Variants in GPD2 observed in about 807,000 individuals in gnomAD.
The protein encoded by GPD2 is glycerol-3-phosphate dehydrogenase, mitochondrial.
GPD2 carries 54 observed loss-of-function variants against 82.4 expected under a neutral mutation model. The observed-to-expected ratio is 0.66, with a 90% CI of 0.53 to 0.82. GPD2 has a LOEUF of 0.82. Among genes scored for constraint, GPD2 ranks in the 40% least tolerant of loss-of-function variants. GPD2 has a pLI of 0.00. For synonymous variants in GPD2, 288 were observed against 306.1 expected (o/e 0.94, Z 0.62); for missense variants, 748 against 896.2 (o/e 0.83, Z 2.11).
chr2:156,468,005 A>G (rs1683205373), intron 1 of GPD2, among the ~76,000 whole-genome samples: 1 of 152,134 alleles, frequency 6.6e-6, no homozygotes. Context: ...GGGAAAGAGT[A>G]GTACATGGTA....
At chr2:156,569,057 G>A in intron 10 of GPD2, 98 bp downstream of exon 10, 2 of 994,510 alleles carry the variant, frequency 2.0e-6, no homozygotes. Flanking sequence ...TTGAACTCCT[G>A]GACTAAGGTG....
intron 2 of GPD2, among the ~76,000 whole-genome samples, chr2:156,490,120 A>G (rs1329338949): frequency 1.3e-5 from 2 of 152,192 alleles, no homozygotes; most frequent in Non-Finnish European, 2.9e-5. Context: ...GGGCAGGTCT[A>G]GGAAGATTTG....
At chr2:156,530,573 T>C (rs1483132363) in intron 6 of GPD2, among the ~76,000 whole-genome samples, 2 of 150,350 alleles carry the variant, frequency 1.3e-5, no homozygotes, top group African/African-American at 2.4e-5. Context: ...GGGTTTGTCA[T>C]GGATAGCTCT....
chr2:156,426,770 G>A, the GPD2 span, among the ~76,000 whole-genome samples: 9 of 152,066 alleles, frequency 5.9e-5, no homozygotes, highest in Non-Finnish European at 1.0e-4. Flanking sequence ...CCAGCTCTAG[G>A]GAATGGTTTT....
rs1688092521 is a variant in GPD2 at position 156,583,203 on chromosome 2, A to G, written c.*285A>G. The G allele has an allele frequency of 2.5e-6, 1 of 395,002 alleles. No homozygotes were observed. The highest frequency in any genetic ancestry group is 3.6e-5 in the Admixed American group (1 of 27,406). The allele number at this position is 395,002 out of a possible 1,614,324, so 24.5% of individuals were successfully genotyped here. ...TTTTGTGACCTGTTAGATGTGACACATTCTCTTTTTGTTTATTCCCTTATT... is the reference window on the plus strand; with the variant it reads ...TTTTGTGACCTGTTAGATGTGACACGTTCTCTTTTTGTTTATTCCCTTATT... On this transcript the variant is annotated 3_prime_UTR_variant, in exon 17 of 17. Coordinates refer to ENST00000438166, the MANE Select transcript of GPD2 (RefSeq NM_000408.5).
chr2:156,439,016 G>A (rs1316943593), intron 1 of GPD2, among the ~76,000 whole-genome samples: 2 of 152,200 alleles, frequency 1.3e-5, no homozygotes. Flanking sequence ...GTAACAGAGA[G>A]ACTTAACATG....
chr2:156,527,933 C>G (rs1573964775), intron 6 of GPD2, among the ~76,000 whole-genome samples: 1 of 152,224 alleles, frequency 6.6e-6, no homozygotes, highest in Admixed American at 6.5e-5. Context: ...AACTGAGAAG[C>G]AGCTCACAGG....
chr2:156,571,478 A>C (rs1687639229), intron 13 of GPD2, among the ~76,000 whole-genome samples, 186 bp downstream of exon 13: 3 of 152,124 alleles, frequency 2.0e-5, no homozygotes, highest in African/African-American at 7.2e-5. Context: ...TTAGTTGTTT[A>C]TGGAAAATCT....
intron 6 of GPD2, among the ~76,000 whole-genome samples, chr2:156,529,579 G>A (rs1470034225): frequency 1.3e-5 from 2 of 152,064 alleles, no homozygotes; most frequent in African/African-American, 4.8e-5. Context: ...TAATTCTAAC[G>A]TTTAAGTCTT....
chr2:156,507,316 TTTTTC>T (rs1254781409), intron 3 of GPD2, among the ~76,000 whole-genome samples: 3 of 124,606 alleles, frequency 2.4e-5, no homozygotes, highest in Admixed American at 1.8e-4. Context: ...CCACTTTTTC[TTTTTC>T]TTTTCTTTTT....
At chr2:156,468,039 G>A (rs1275866556) in intron 1 of GPD2, among the ~76,000 whole-genome samples, 3 of 152,110 alleles carry the variant, frequency 2.0e-5, no homozygotes, top group Non-Finnish European at 4.4e-5. Context: ...ACTTGTCTGA[G>A]TAAGCACTGT....
rs79047147 is a variant in GPD2, at chr2:156,441,957, T to C, written c.-9+5444T>C. On this transcript the variant is annotated intron_variant, in intron 1 of 16. Transcript: ENST00000438166. ...TTATTTGGGTACATCTTTTAATTATTCAGGCAAAATGAAAGAATTACTTAT... is the reference window on the plus strand; with the variant it reads ...TTATTTGGGTACATCTTTTAATTATCCAGGCAAAATGAAAGAATTACTTAT... 4.0e-3 allele frequency among the ~76,000 whole-genome samples: 610 copies of C among 152,312 alleles called. 1 individual carries two copies. Among genetic ancestry groups the C allele is most frequent in the African/African-American group, 0.014 (573 of 41,570 alleles).
At chr2:156,522,001 A>C (rs1010241852) in intron 6 of GPD2, among the ~76,000 whole-genome samples, 1 of 151,916 alleles carries the variant, frequency 6.6e-6, no homozygotes, top group Admixed American at 6.5e-5. Flanking sequence ...CCTTTTTGCT[A>C]TTCAGTGTAT....
chr2:156,400,819 G>C, the GPD2 span, among the ~76,000 whole-genome samples: 4 of 152,134 alleles, frequency 2.6e-5, no homozygotes, highest in Non-Finnish European at 4.4e-5. Flanking sequence ...TGAGGTCCCG[G>C]GTTCAATCCC....
chr2:156,547,313 C>T (rs544743056), intron 6 of GPD2, among the ~76,000 whole-genome samples: 14 of 152,264 alleles, frequency 9.2e-5, no homozygotes, highest in African/African-American at 3.1e-4. Flanking sequence ...TTCTGCATCC[C>T]TCCAGGAGAT....
chr2:156,559,855 T>C (rs1195203769), intron 9 of GPD2, among the ~76,000 whole-genome samples: 1 of 152,226 alleles, frequency 6.6e-6, no homozygotes. Flanking sequence ...ATTACAATTT[T>C]AGCTTGGTAC....
At chr2:156,528,791 G>C (rs1398941534) in intron 6 of GPD2, among the ~76,000 whole-genome samples, 1 of 152,010 alleles carries the variant, frequency 6.6e-6, no homozygotes, top group Non-Finnish European at 1.5e-5. Flanking sequence ...TGGCTGCATA[G>C]TACTCCATGG....
At chr2:156,528,987 G>A (rs1685726242) in intron 6 of GPD2, among the ~76,000 whole-genome samples, 1 of 151,736 alleles carries the variant, frequency 6.6e-6, no homozygotes, top group Admixed American at 6.6e-5. Context: ...GGTATTTCTA[G>A]TTCTAGATCC....
intron 6 of GPD2, among the ~76,000 whole-genome samples, chr2:156,547,146 A>C (rs1686572513): frequency 6.6e-6 from 1 of 152,224 alleles, no homozygotes; most frequent in African/African-American, 2.4e-5. Flanking sequence ...ACAGTGCCTG[A>C]TTCATAACAA....
Sources: allele counts gnomAD v4.1 joint callset (sites outside exome capture counted in the v4.1 genomes callset), GRCh38; gene constraint gnomAD v4.1.1; transcripts MANE v1.5; gene names NCBI Gene and HGNC (gene_info 2026-07-23, HGNC 2026-07-21).